The following PTGER4 variants were observed in gnomAD, a reference collection of about 807,000 sequenced individuals.
The protein encoded by PTGER4 is prostaglandin E receptor 4.
PTGER4 carries 11 observed loss-of-function variants against 33.2 expected under a neutral mutation model. The ratio of observed to expected loss-of-function variants is 0.33; its 90% CI spans 0.21 to 0.55. The LOEUF (loss-of-function observed/expected upper bound fraction) is 0.55, where lower values mean the gene tolerates loss of function less well. Ranked by LOEUF, PTGER4 falls within the 20% of genes least tolerant of loss-of-function variation. The pLI is 0.92. For synonymous variants in PTGER4, 275 were observed against 281.5 expected (o/e 0.98, Z 0.23); for missense variants, 481 against 650.2 (o/e 0.74, Z 2.83).
chr5:40,716,608 TTA>T, the PTGER4 span: 1 of 715,132 alleles, frequency 1.4e-6, no homozygotes, highest in Non-Finnish European at 2.3e-6. Context: ...TCCTAATGCA[TTA>T]TCTTAATGTA....
At chr5:40,721,503 A>G in the PTGER4 span, among the ~76,000 whole-genome samples, 1 of 152,174 alleles carries the variant, frequency 6.6e-6, no homozygotes, top group African/African-American at 2.4e-5. Context: ...ATACATAATG[A>G]GAAAAGTCTA....
At chr5:40,746,731 C>G in the PTGER4 span, 6 of 1,140,174 alleles carry the variant, frequency 5.3e-6, no homozygotes, top group Non-Finnish European at 7.5e-6. Context: ...AACTCTTCAT[C>G]CCATTACGGA....
chr5:40,731,894 C>T, the PTGER4 span, among the ~76,000 whole-genome samples: 1 of 152,214 alleles, frequency 6.6e-6, no homozygotes, highest in Non-Finnish European at 1.5e-5. Context: ...CATAGCAACA[C>T]TTATATTTCC....
chr5:40,727,827 T>C, the PTGER4 span, among the ~76,000 whole-genome samples: 24 of 152,268 alleles, frequency 1.6e-4, no homozygotes, highest in South Asian at 1.2e-3. Context: ...AACTGAAAAA[T>C]ATTCTGATCA....
At chr5:40,741,416 G>A in the PTGER4 span, among the ~76,000 whole-genome samples, 1 of 152,168 alleles carries the variant, frequency 6.6e-6, no homozygotes, top group East Asian at 1.9e-4. Flanking sequence ...CGCTACGAAT[G>A]GTTCAGCTTA....
chr5:40,709,825 C>G, the PTGER4 span, among the ~76,000 whole-genome samples: 2 of 152,222 alleles, frequency 1.3e-5, no homozygotes, highest in African/African-American at 4.8e-5. Context: ...GGTACTGGTA[C>G]CAAAACAGAG....
At chr5:40,722,511 CCCCACCT>C in the PTGER4 span, among the ~76,000 whole-genome samples, 1 of 150,830 alleles carries the variant, frequency 6.6e-6, no homozygotes, top group Non-Finnish European at 1.5e-5. Flanking sequence ...AGCGCCTCTG[CCCCACCT>C]CCCCGTCTGG....
rs754486899 is a variant in PTGER4 at position 40,691,772 on chromosome 5, T to TA, written c.868-6dup. Reference sequence around the variant, plus strand: ...TGAAATCTAAATGTGCGATCTCACTTATGCAGGTGCGAGTATTCGTCAACC... The same window carrying TA: ...TGAAATCTAAATGTGCGATCTCACTTAATGCAGGTGCGAGTATTCGTCAACC... On this transcript the variant is annotated splice_polypyrimidine_tract_variant and splice_region_variant and intron_variant, in intron 2 of 2. Transcript: ENST00000302472. The surrounding 1 kb of genome is among the most constrained non-coding windows in gnomAD (Gnocchi z 4.2). The TA allele has an allele frequency of 6.8e-6, 11 of 1,609,794 alleles. No individual in the cohort carries two copies. The African/African-American group carries it at 1.5e-4, about 22-fold the overall frequency.
the PTGER4 span, chr5:40,728,515 T>C: frequency 9.1e-6 from 14 of 1,545,256 alleles, no homozygotes; most frequent in Non-Finnish European, 1.2e-5. Flanking sequence ...GTCAGTAATA[T>C]TCATAAACTA....
chr5:40,732,903 C>T, the PTGER4 span, among the ~76,000 whole-genome samples: 1 of 152,040 alleles, frequency 6.6e-6, no homozygotes, highest in African/African-American at 2.4e-5. Context: ...CCACCGCGCC[C>T]GGCCTAATAT....
At chr5:40,736,120 G>T in the PTGER4 span, among the ~76,000 whole-genome samples, 1 of 152,176 alleles carries the variant, frequency 6.6e-6, no homozygotes, top group Non-Finnish European at 1.5e-5. Context: ...GGGGTCTAGA[G>T]TACAAGTGGA....
the PTGER4 span, among the ~76,000 whole-genome samples, chr5:40,746,330 T>C: frequency 6.6e-6 from 1 of 152,198 alleles, no homozygotes; most frequent in Non-Finnish European, 1.5e-5. Context: ...GTACAGCAAG[T>C]CATATTTACT....
chr5:40,746,686 G>C, the PTGER4 span: 1 of 823,912 alleles, frequency 1.2e-6, no homozygotes, highest in East Asian at 2.8e-5. Context: ...TTAGCACCTA[G>C]AATAGATTTT....
chr5:40,681,693 G>T lies in PTGER4; in HGVS notation c.700G>T (p.Ala234Ser). ...GTEQHHAAAA[A>S]SVASRGHPAA... Reference sequence around the variant, plus strand: ...CGAGCAGCACCACGCGGCCGCGGCCGCCTCGGTTGCCTCCCGGGGCCACCC... The same window carrying T: ...CGAGCAGCACCACGCGGCCGCGGCCTCCTCGGTTGCCTCCCGGGGCCACCC... The change falls in exon 2 of 3, where the codon GCC (alanine) becomes TCC (serine). Residue 234 changes from alanine to serine, a missense_variant. This residue lies in a region of PTGER4 where 174 missense variants were observed against 210.5 expected (regional missense o/e 0.83). Transcript: ENST00000302472. The surrounding 1 kb of genome is among the most constrained non-coding windows in gnomAD (Gnocchi z 9.8). The T allele has an allele frequency of 6.4e-7, 1 of 1,574,518 alleles. No homozygotes were observed. Among genetic ancestry groups the T allele is most frequent in the East Asian group, 2.3e-5 (1 of 43,100 alleles).
At chr5:40,707,263 G>A in the PTGER4 span, among the ~76,000 whole-genome samples, 46 of 152,086 alleles carry the variant, frequency 3.0e-4, no homozygotes, top group East Asian at 7.0e-3. Context: ...AAGACCCATC[G>A]GTGTGCCGTA....
chr5:40,694,201 C>G (rs1741537012), downstream of PTGER4, among the ~76,000 whole-genome samples: 1 of 152,120 alleles, frequency 6.6e-6, no homozygotes, highest in South Asian at 2.1e-4. Flanking sequence ...CAGGCGTGTA[C>G]CACCATGCCC....
At chr5:40,687,072 G>A (rs1741342364) in intron 2 of PTGER4, among the ~76,000 whole-genome samples, 1 of 152,136 alleles carries the variant, frequency 6.6e-6, no homozygotes, top group African/African-American at 2.4e-5. Context: ...TTGAGACGGA[G>A]TTTCACTTTG....
the PTGER4 span, among the ~76,000 whole-genome samples, chr5:40,734,932 C>T: frequency 3.3e-5 from 5 of 152,132 alleles, no homozygotes; most frequent in Non-Finnish European, 7.4e-5. Flanking sequence ...AGTGGCTATT[C>T]GGAATGGGCG....
the PTGER4 span, among the ~76,000 whole-genome samples, chr5:40,735,868 C>T: frequency 6.6e-6 from 1 of 152,068 alleles, no homozygotes; most frequent in Non-Finnish European, 1.5e-5. Flanking sequence ...ATAACCTTTA[C>T]AAAAGCAGTT....
Sources: allele counts gnomAD v4.1 joint callset (sites outside exome capture counted in the v4.1 genomes callset), GRCh38; gene constraint gnomAD v4.1.1; regional missense constraint gnomAD v4.1.1; non-coding constraint Gnocchi (gnomAD v3.1); transcripts MANE v1.5; gene names NCBI Gene and HGNC (gene_info 2026-07-23, HGNC 2026-07-21).